The following RERE variants were observed in gnomAD, a reference collection of about 807,000 sequenced individuals.
RERE encodes arginine-glutamic acid dipeptide repeats protein.
RERE carries 40 observed loss-of-function variants against 146.1 expected under a neutral mutation model. That is an observed-to-expected ratio of 0.27 (90% confidence interval 0.21 to 0.36). The LOEUF (loss-of-function observed/expected upper bound fraction) is 0.36. RERE is among the 10% of genes least tolerant of loss of function. The pLI is 1.00. For synonymous variants in RERE, 1,003 were observed against 866.0 expected (o/e 1.16, Z -2.78); for missense variants, 1,933 against 2,138.7 (o/e 0.90, Z 1.90).
chr1:8,538,889 C>T (rs1270662378), intron 7 of RERE, among the ~76,000 whole-genome samples: 1 of 152,044 alleles, frequency 6.6e-6, no homozygotes, highest in African/African-American at 2.4e-5. Flanking sequence ...AAAACAAACC[C>T]GATGGGATGT....
chr1:8,376,755 A>G (rs775036022), intron 12 of RERE, among the ~76,000 whole-genome samples: 1 of 152,250 alleles, frequency 6.6e-6, no homozygotes, highest in Admixed American at 6.5e-5. Context: ...GCTCTGCCCA[A>G]AAAAAGATGT....
chr1:8,661,522 A>G (rs2124348326), intron 1 of RERE, among the ~76,000 whole-genome samples: 1 of 152,326 alleles, frequency 6.6e-6, no homozygotes, highest in East Asian at 1.9e-4. Flanking sequence ...CAAGGAGCGC[A>G]GTGGGGCACG....
intron 10 of RERE, among the ~76,000 whole-genome samples, chr1:8,486,755 T>TAAAAAAAAAAAAAA (rs33956517): frequency 8.2e-6 from 1 of 122,344 alleles, no homozygotes; most frequent in African/African-American, 3.1e-5. Flanking sequence ...GAGTCCATCT[T>TAAAAAAAAAAAAAA]AAAAAAAAAA....
At chr1:8,569,431 T>C (rs1439297647) in intron 4 of RERE, among the ~76,000 whole-genome samples, 1 of 152,188 alleles carries the variant, frequency 6.6e-6, no homozygotes, top group Non-Finnish European at 1.5e-5. Flanking sequence ...CACACATCAA[T>C]GGTGGGGTCA....
intron 6 of RERE, among the ~76,000 whole-genome samples, chr1:8,548,109 A>G (rs1471711665): frequency 6.6e-6 from 1 of 152,240 alleles, no homozygotes; most frequent in East Asian, 1.9e-4. Context: ...GACCATCTAC[A>G]GTATTCTACC....
intron 11 of RERE, among the ~76,000 whole-genome samples, chr1:8,435,703 T>C (rs914621475): frequency 6.6e-6 from 1 of 152,216 alleles, no homozygotes; most frequent in Non-Finnish European, 1.5e-5. Flanking sequence ...TCAAAGACCA[T>C]GTGCCCAATG....
intron 11 of RERE, among the ~76,000 whole-genome samples, chr1:8,454,190 G>T (rs1644423232): frequency 6.6e-6 from 1 of 152,156 alleles, no homozygotes; most frequent in Non-Finnish European, 1.5e-5. Context: ...GCAAAGCTTA[G>T]AAAAATAAAA....
chr1:8,781,369 AC>A (rs202176322), intron 1 of RERE, among the ~76,000 whole-genome samples: 8 of 150,884 alleles, frequency 5.3e-5, no homozygotes, highest in African/African-American at 1.5e-4. Flanking sequence ...AAAAAAAAAA[AC>A]AACTTTTTTT....
intron 6 of RERE, among the ~76,000 whole-genome samples, chr1:8,552,422 CTTTTTTG>C (rs944800117): frequency 2.6e-5 from 4 of 152,054 alleles, no homozygotes; most frequent in African/African-American, 7.2e-5. Flanking sequence ...TTTCTTTTTT[CTTTTTTG>C]TTCCCCATGG....
chr1:8,701,076 C>A (rs1349429279), intron 1 of RERE, among the ~76,000 whole-genome samples: 2 of 152,054 alleles, frequency 1.3e-5, no homozygotes, highest in African/African-American at 4.8e-5. Context: ...ATAAAACTAC[C>A]CTGTAGGAGC....
At chr1:8,431,460 C>T (rs1644094627) in intron 11 of RERE, among the ~76,000 whole-genome samples, 1 of 152,180 alleles carries the variant, frequency 6.6e-6, no homozygotes, top group South Asian at 2.1e-4. Flanking sequence ...ACTGATTCTA[C>T]ATTATAGGGA....
In RERE at chr1:8,794,313, G is replaced by A. The variant is rs372701287; in HGVS notation, c.-145+22847C>T. On this transcript the variant is annotated intron_variant, in intron 1 of 22. Transcript: ENST00000400908. ...GCAGAGCTTGTAGTGAGCCGAGATC[G>A]TGCCACTGCACTCCAGCCTGGGCAA... Among the ~76,000 whole-genome samples the A allele has an allele frequency of 3.2e-4, 44 of 138,666 alleles. 1 individual carries two copies. The highest frequency in any genetic ancestry group is 8.3e-4 in the African/African-American group (31 of 37,342). 91.0% of individuals were successfully genotyped at this position (138,666 alleles called of 152,430 possible).
At chr1:8,529,244 A>G (rs1006773118) in intron 7 of RERE, among the ~76,000 whole-genome samples, 1 of 151,404 alleles carries the variant, frequency 6.6e-6, no homozygotes, top group Non-Finnish European at 1.5e-5. Context: ...TTAAACAAAC[A>G]GAAAATATAT....
At chr1:8,715,500 A>G (rs552427183) in intron 1 of RERE, among the ~76,000 whole-genome samples, 9 of 152,014 alleles carry the variant, frequency 5.9e-5, no homozygotes, top group African/African-American at 2.2e-4. Flanking sequence ...AACAAGAGCG[A>G]AACTCCGTCT....
intron 7 of RERE, among the ~76,000 whole-genome samples, chr1:8,518,370 C>T (rs1645448594): frequency 6.6e-6 from 1 of 152,196 alleles, no homozygotes; most frequent in Non-Finnish European, 1.5e-5. Flanking sequence ...TGGCTGGCGT[C>T]ATGTATGAAT....
intron 20 of RERE, among the ~76,000 whole-genome samples, chr1:8,357,642 C>T (rs1641350310): frequency 6.6e-6 from 1 of 152,246 alleles, no homozygotes; most frequent in African/African-American, 2.4e-5. Flanking sequence ...TGCCTCAGAG[C>T]AGCCTCTCCA....
At chr1:8,573,357 A>G (rs1201104858) in intron 4 of RERE, among the ~76,000 whole-genome samples, 1 of 151,896 alleles carries the variant, frequency 6.6e-6, no homozygotes, top group African/African-American at 2.4e-5. Flanking sequence ...CTAAAAATAC[A>G]TAAGGTATTA....
intron 1 of RERE, among the ~76,000 whole-genome samples, chr1:8,759,842 C>T (rs1014503599): frequency 3.6e-5 from 5 of 138,316 alleles, no homozygotes; most frequent in African/African-American, 1.5e-4. Flanking sequence ...TCTCTATACA[C>T]ACACACACAC....
At chr1:8,572,133 T>A (rs1646228853) in intron 4 of RERE, among the ~76,000 whole-genome samples, 1 of 152,214 alleles carries the variant, frequency 6.6e-6, no homozygotes, top group Admixed American at 6.5e-5. Context: ...TATTGAGGTA[T>A]AATTTACATA....
Sources: gnomAD v4.1 joint callset for allele counts (sites outside exome capture counted in the v4.1 genomes callset) on GRCh38, gnomAD v4.1.1 for gene constraint, MANE v1.5 for transcripts, NCBI Gene and HGNC (gene_info 2026-07-23, HGNC 2026-07-21) for gene names.